Variants in UBE2R2 observed in about 807,000 individuals in gnomAD.
UBE2R2 encodes ubiquitin-conjugating enzyme E2 R2.
In UBE2R2, 1 loss-of-function variant was observed where a neutral mutation model predicts 27.8. That is an observed-to-expected ratio of 0.04 (90% CI 0.01 to 0.17). UBE2R2 has a LOEUF of 0.17. UBE2R2 is among the 10% of genes least tolerant of loss of function. The pLI is 1.00. For synonymous variants in UBE2R2, 106 were observed against 113.3 expected (o/e 0.94, Z 0.41); for missense variants, 100 against 291.0 (o/e 0.34, Z 4.78).
At chr9:33,905,526 A>G (rs1422254479) in intron 3 of UBE2R2, among the ~76,000 whole-genome samples, 1 of 152,222 alleles carries the variant, frequency 6.6e-6, no homozygotes, top group African/African-American at 2.4e-5. Flanking sequence ...TAAAAACTGT[A>G]GTTGTATTCC....
intron 1 of UBE2R2, among the ~76,000 whole-genome samples, chr9:33,844,515 ATT>A (rs34578523): frequency 0.36 from 39,925 of 109,728 alleles, 6,495 homozygotes; most frequent in South Asian, 0.43. Flanking sequence ...TCCCACATCT[ATT>A]TTTTTTTTTT....
chr9:33,818,703 A>G (rs1825897038), intron 1 of UBE2R2: 1 of 152,188 alleles, frequency 6.6e-6, no homozygotes, highest in Non-Finnish European at 1.5e-5. Context: ...TTCTACAGGT[A>G]GAAGTATCCA....
chr9:33,830,629 G>A (rs538867706), intron 1 of UBE2R2, among the ~76,000 whole-genome samples: 9 of 151,670 alleles, frequency 5.9e-5, no homozygotes, highest in African/African-American at 1.4e-4. Flanking sequence ...TTAGCCTGTC[G>A]TGGTGTTGTG....
At chr9:33,826,381 A>G (rs957679345) in intron 1 of UBE2R2, among the ~76,000 whole-genome samples, 1 of 152,070 alleles carries the variant, frequency 6.6e-6, no homozygotes, top group Non-Finnish European at 1.5e-5. Flanking sequence ...TAATTGGAAA[A>G]TTCAGGTGTT....
At chr9:33,821,611 CAA>C (rs988729995) in intron 1 of UBE2R2, among the ~76,000 whole-genome samples, 6 of 150,986 alleles carry the variant, frequency 4.0e-5, no homozygotes, top group Admixed American at 2.6e-4. Context: ...ATATGCATAA[CAA>C]AAAAAAATTT....
chr9:33,851,167 A>T (rs72725381), intron 1 of UBE2R2, among the ~76,000 whole-genome samples: 12,010 of 152,262 alleles, frequency 0.079, 682 homozygotes, highest in Non-Finnish European at 0.12. Context: ...TTTAAAAACA[A>T]TTAAAATAAA....
chr9:33,874,772 C>T (rs1347738665), intron 1 of UBE2R2, among the ~76,000 whole-genome samples: 1 of 152,032 alleles, frequency 6.6e-6, no homozygotes, highest in Non-Finnish European at 1.5e-5. Flanking sequence ...AAGCAATCTT[C>T]CCACCTCAGC....
At chr9:33,870,223 A>C (rs1821457462) in intron 1 of UBE2R2, among the ~76,000 whole-genome samples, 1 of 151,590 alleles carries the variant, frequency 6.6e-6, no homozygotes, top group Non-Finnish European at 1.5e-5. Context: ...GCTCATTGCC[A>C]CCTCTGCCTC....
At chr9:33,906,062 G>A (rs1433504911) in intron 3 of UBE2R2, among the ~76,000 whole-genome samples, 3 of 152,192 alleles carry the variant, frequency 2.0e-5, no homozygotes, top group African/African-American at 7.2e-5. Context: ...TGATTATGGC[G>A]TGAAGTAAGT....
chr9:33,878,013 T>C (rs1043051409), intron 1 of UBE2R2, among the ~76,000 whole-genome samples: 1 of 152,078 alleles, frequency 6.6e-6, no homozygotes, highest in African/African-American at 2.4e-5. Context: ...CACCTCAGCC[T>C]CCCAAAGTGC....
intron 4 of UBE2R2, among the ~76,000 whole-genome samples, chr9:33,916,490 A>G (rs530236435): frequency 3.9e-4 from 59 of 152,220 alleles, no homozygotes; most frequent in African/African-American, 1.4e-3. Flanking sequence ...ACCCTAGCCA[A>G]TCCCCTAAGC....
At chr9:33,888,112 C>T (rs1032046835) in intron 2 of UBE2R2, among the ~76,000 whole-genome samples, 2 of 152,148 alleles carry the variant, frequency 1.3e-5, no homozygotes, top group African/African-American at 4.8e-5. Flanking sequence ...AAAAATTTGT[C>T]AGTATGTGCC....
intron 3 of UBE2R2, among the ~76,000 whole-genome samples, chr9:33,905,968 G>T (rs1169720963): frequency 6.6e-6 from 1 of 152,182 alleles, no homozygotes; most frequent in Non-Finnish European, 1.5e-5. Flanking sequence ...ATCACATTAC[G>T]CTGGGTCTAT....
intron 3 of UBE2R2, among the ~76,000 whole-genome samples, chr9:33,900,545 C>T (rs1822220823): frequency 6.6e-6 from 1 of 152,182 alleles, no homozygotes; most frequent in African/African-American, 2.4e-5. Flanking sequence ...CCTAGTTCTA[C>T]TCTGGTTCTT....
intron 3 of UBE2R2, among the ~76,000 whole-genome samples, chr9:33,902,563 T>C (rs1044592891): frequency 6.6e-6 from 1 of 152,236 alleles, no homozygotes; most frequent in African/African-American, 2.4e-5. Context: ...CTCATATTTA[T>C]TTCATTTTGC....
intron 1 of UBE2R2, 29 bp from the exon 2 acceptor site, chr9:33,886,848 CATTT>C (rs746156061): frequency 2.5e-5 from 38 of 1,525,596 alleles, no homozygotes; most frequent in Non-Finnish European, 3.3e-5. Context: ...GTTATAGTCT[CATTT>C]ATTAGCATTT....
chr9:33,818,187 T>G (rs1364633668), intron 1 of UBE2R2, among the ~76,000 whole-genome samples: 1 of 151,298 alleles, frequency 6.6e-6, no homozygotes, highest in Non-Finnish European at 1.5e-5. Context: ...GCCTCTCTGG[T>G]TAGGGTAGTG....
intron 3 of UBE2R2, among the ~76,000 whole-genome samples, chr9:33,910,141 TTTTA>T (rs886879089): frequency 3.3e-5 from 5 of 152,058 alleles, no homozygotes; most frequent in African/African-American, 4.8e-5. Context: ...CCTATTACGC[TTTTA>T]TTTATTTATT....
At chr9:33,895,313 T>TC (rs1822076665) in intron 2 of UBE2R2, among the ~76,000 whole-genome samples, 1 of 152,178 alleles carries the variant, frequency 6.6e-6, no homozygotes. Context: ...GTCTGTTTTT[T>TC]CCCCATTGAA....
Sources: gnomAD v4.1 joint callset for allele counts (sites outside exome capture counted in the v4.1 genomes callset) on GRCh38, gnomAD v4.1.1 for gene constraint, MANE v1.5 for transcripts, NCBI Gene and HGNC (gene_info 2026-07-23, HGNC 2026-07-21) for gene names.